The following CDH13 variants were observed in gnomAD, a reference collection of about 807,000 sequenced individuals.
CDH13 encodes the protein cadherin 13.
Under a neutral mutation model 63.8 loss-of-function variants are expected in CDH13, and 24 were observed. That is an observed-to-expected ratio of 0.38 (90% CI 0.27 to 0.53). CDH13 has a LOEUF of 0.53. Ranked by LOEUF, CDH13 falls within the 20% of genes least tolerant of loss-of-function variation. The probability of loss-of-function intolerance (pLI) is 0.85; values close to 1 mark genes in which losing one functional copy is unlikely to be tolerated. For synonymous variants in CDH13, 503 were observed against 355.3 expected (o/e 1.42, Z -4.67); for missense variants, 1,049 against 903.1 (o/e 1.16, Z -2.07).
At chr16:83,091,274 A>G (rs1392251947) in intron 3 of CDH13, among the ~76,000 whole-genome samples, 1 of 151,956 alleles carries the variant, frequency 6.6e-6, no homozygotes, top group African/African-American at 2.4e-5. Flanking sequence ...CTATCAGAAA[A>G]AAAAAAATTC....
chr16:82,734,401 C>T (rs908744933), intron 1 of CDH13, among the ~76,000 whole-genome samples: 1 of 152,130 alleles, frequency 6.6e-6, no homozygotes, highest in African/African-American at 2.4e-5. Context: ...ATAGGAGTCT[C>T]AGGATGGGAA....
chr16:83,679,066 G>T (rs1207336182), intron 10 of CDH13, among the ~76,000 whole-genome samples: 1 of 150,416 alleles, frequency 6.6e-6, no homozygotes, highest in African/African-American at 2.5e-5. Flanking sequence ...CATTGGGATT[G>T]GCGTTCTGCC....
rs574265217 is a variant in CDH13, at chr16:83,366,085, A to G, written c.781+21079A>G. 8.5e-4 allele frequency among the ~76,000 whole-genome samples: 130 copies of G among 152,316 alleles called. 1 individual carries two copies. The highest frequency in any genetic ancestry group is 2.9e-3 in the African/African-American group (119 of 41,580). ...CAATAGCAATAGAAAACTAATACAG[A>G]ATGTGGTTACATTATCTTACATACC... is the stretch of plus-strand genomic sequence containing the variant. On this transcript the variant is annotated intron_variant, in intron 6 of 13. Coordinates refer to ENST00000567109, the MANE Select transcript of CDH13 (RefSeq NM_001257.5).
In CDH13 at chr16:83,217,339, G is replaced by T. The variant is rs1030477833; in HGVS notation, c.484-6G>T. The T allele has an allele frequency of 6.2e-7, 1 of 1,613,664 alleles. No individual in the cohort carries two copies. Among genetic ancestry groups the T allele is most frequent in the Non-Finnish European group, 8.5e-7 (1 of 1,179,760 alleles). ...GTTTTAAATGTCTCTCTGTTTTTCT[G>T]ACTAGGTAGTCGATAGTGACAGGCC... is the stretch of plus-strand genomic sequence containing the variant. On this transcript the variant is annotated splice_region_variant and splice_polypyrimidine_tract_variant and intron_variant, in intron 4 of 13. Transcript: ENST00000567109.
At chr16:82,760,580 G>C (rs2034796913) in intron 1 of CDH13, among the ~76,000 whole-genome samples, 1 of 152,068 alleles carries the variant, frequency 6.6e-6, no homozygotes, top group Non-Finnish European at 1.5e-5. Context: ...TGCATACTAG[G>C]AATCATACAA....
chr16:82,898,923 A>T (rs1271507526), intron 2 of CDH13, among the ~76,000 whole-genome samples: 1 of 152,238 alleles, frequency 6.6e-6, no homozygotes, highest in East Asian at 1.9e-4. Flanking sequence ...TTCACTCAGT[A>T]TGTAGATATG....
intron 4 of CDH13, among the ~76,000 whole-genome samples, chr16:83,201,142 C>T (rs1358403328): frequency 6.6e-6 from 1 of 152,104 alleles, no homozygotes; most frequent in Admixed American, 6.5e-5. Flanking sequence ...CATTCATTTT[C>T]CTTTTTTCCT....
chr16:83,668,153 A>T (rs1021488643), intron 8 of CDH13, among the ~76,000 whole-genome samples: 2 of 152,158 alleles, frequency 1.3e-5, no homozygotes, highest in African/African-American at 4.8e-5. Context: ...AGTCCCTCTT[A>T]GTCTTGCTTC....
chr16:83,549,847 T>C (rs2075457961), intron 7 of CDH13, among the ~76,000 whole-genome samples: 1 of 152,018 alleles, frequency 6.6e-6, no homozygotes, highest in Non-Finnish European at 1.5e-5. Flanking sequence ...ATCAAGGCAT[T>C]TGTAACTGTT....
At chr16:83,148,453 T>G (rs2036843308) in intron 4 of CDH13, among the ~76,000 whole-genome samples, 1 of 151,716 alleles carries the variant, frequency 6.6e-6, no homozygotes, top group Non-Finnish European at 1.5e-5. Flanking sequence ...GTCTGTGGAG[T>G]CAGACTGCAA....
At chr16:82,999,648 A>G (rs1041330899) in intron 2 of CDH13, among the ~76,000 whole-genome samples, 1 of 152,214 alleles carries the variant, frequency 6.6e-6, no homozygotes, top group African/African-American at 2.4e-5. Context: ...TAAAATTTTA[A>G]TGCTTCTGTA....
At chr16:83,519,622 A>G (rs1052266752) in intron 7 of CDH13, among the ~76,000 whole-genome samples, 2 of 152,216 alleles carry the variant, frequency 1.3e-5, no homozygotes, top group Non-Finnish European at 2.9e-5. Context: ...GAAATGAGTT[A>G]AACCTATTTC....
intron 2 of CDH13, among the ~76,000 whole-genome samples, chr16:83,016,151 G>T (rs931611647): frequency 2.6e-5 from 4 of 152,152 alleles, no homozygotes; most frequent in Non-Finnish European, 5.9e-5. Context: ...TTGGCCACTG[G>T]AGGATGAATA....
chr16:83,498,610 C>A (rs1213267179), intron 7 of CDH13, among the ~76,000 whole-genome samples: 2 of 152,142 alleles, frequency 1.3e-5, no homozygotes, highest in Admixed American at 1.3e-4. Flanking sequence ...GTAAAGTGCC[C>A]TGGTTACAGA....
At chr16:83,752,611 C>G (rs1248478552) in intron 11 of CDH13, among the ~76,000 whole-genome samples, 1 of 152,174 alleles carries the variant, frequency 6.6e-6, no homozygotes. Context: ...TACCTTACAG[C>G]TGTTTCTCAT....
intron 2 of CDH13, among the ~76,000 whole-genome samples, chr16:82,967,021 C>G (rs755667721): frequency 4.6e-5 from 7 of 152,154 alleles, no homozygotes; most frequent in East Asian, 1.9e-4. Flanking sequence ...TCTCATGTCT[C>G]TTTAGGTTCC....
intron 1 of CDH13, among the ~76,000 whole-genome samples, chr16:82,650,516 C>T (rs981410089): frequency 6.6e-6 from 1 of 152,202 alleles, no homozygotes; most frequent in Admixed American, 6.5e-5. Context: ...TTAACCCAAC[C>T]ACTTAGGCTT....
intron 2 of CDH13, among the ~76,000 whole-genome samples, chr16:82,948,781 TA>T (rs1344201213): frequency 1.3e-5 from 2 of 152,170 alleles, no homozygotes; most frequent in Non-Finnish European, 2.9e-5. Context: ...AAAGGTACCA[TA>T]TAACTAATCT....
intron 6 of CDH13, among the ~76,000 whole-genome samples, chr16:83,447,074 A>C (rs66466044): frequency 1.1e-5 from 1 of 88,312 alleles, no homozygotes; most frequent in Non-Finnish European, 2.4e-5. Flanking sequence ...AAAAAAAAAA[A>C]CAAAAAACAC....
Sources: allele counts gnomAD v4.1 joint callset (sites outside exome capture counted in the v4.1 genomes callset), GRCh38; gene constraint gnomAD v4.1.1; transcripts MANE v1.5; gene names NCBI Gene and HGNC (gene_info 2026-07-23, HGNC 2026-07-21).